Variants in KCNT2 observed in about 807,000 individuals in gnomAD.
KCNT2 encodes the protein potassium channel subfamily T member 2.
A neutral mutation model predicts 153.8 loss-of-function variants in KCNT2; 67 were observed. The ratio of observed to expected loss-of-function variants is 0.44; its 90% CI spans 0.36 to 0.53. The LOEUF is 0.53. Ranked by LOEUF, KCNT2 falls within the 20% of genes least tolerant of loss-of-function variation. The probability of loss-of-function intolerance (pLI) is 0.00; values close to 1 mark genes in which losing one functional copy is unlikely to be tolerated. For synonymous variants in KCNT2, 500 were observed against 458.8 expected (o/e 1.09, Z -1.15); for missense variants, 975 against 1,354.8 (o/e 0.72, Z 4.40).
chr1:196,374,477 A>G (rs183896391), intron 13 of KCNT2, among the ~76,000 whole-genome samples: 6 of 151,914 alleles, frequency 3.9e-5, no homozygotes, highest in African/African-American at 1.2e-4. Flanking sequence ...CTATGGATAT[A>G]TGTCAGGATT....
intron 1 of KCNT2, among the ~76,000 whole-genome samples, chr1:196,604,000 C>T (rs1665035406): frequency 6.6e-6 from 1 of 152,146 alleles, no homozygotes; most frequent in Non-Finnish European, 1.5e-5. Context: ...AAACAGAAAA[C>T]AGGCTTGGAG....
chr1:196,280,764 T>G, intron 25 of KCNT2, 96 bp downstream of exon 25: 1 of 1,208,618 alleles, frequency 8.3e-7, no homozygotes. Flanking sequence ...CTTTTTCACT[T>G]TCTCTTGCAT....
chr1:196,257,568 T>A, intron 26 of KCNT2: 1 of 924,120 alleles, frequency 1.1e-6, no homozygotes, highest in Non-Finnish European at 1.3e-6. Context: ...AAATGATATA[T>A]TTTAAATGTA....
intron 21 of KCNT2, among the ~76,000 whole-genome samples, chr1:196,311,075 G>A (rs142919115): frequency 2.6e-5 from 4 of 151,838 alleles, no homozygotes; most frequent in African/African-American, 9.6e-5. Flanking sequence ...AAGATTATCA[G>A]TTCCTCAGGA....
chr1:196,322,001 A>G (rs1663367383), intron 19 of KCNT2, among the ~76,000 whole-genome samples: 1 of 151,934 alleles, frequency 6.6e-6, no homozygotes, highest in Non-Finnish European at 1.5e-5. Flanking sequence ...TTACATTGGG[A>G]AGCATTATTA....
At chr1:196,386,095 G>T (rs1173530990) in intron 13 of KCNT2, among the ~76,000 whole-genome samples, 1 of 152,064 alleles carries the variant, frequency 6.6e-6, no homozygotes, top group Admixed American at 6.6e-5. Context: ...CAGAGGAAAG[G>T]TCCACATGTA....
chr1:196,561,915 C>A (rs953292680), intron 1 of KCNT2, among the ~76,000 whole-genome samples: 1 of 151,818 alleles, frequency 6.6e-6, no homozygotes, highest in Admixed American at 6.6e-5. Context: ...GATTTGGCAA[C>A]TGGTTGAAAG....
chr1:196,500,475 G>T (rs1213243698), intron 1 of KCNT2, among the ~76,000 whole-genome samples: 4 of 152,136 alleles, frequency 2.6e-5, no homozygotes, highest in Non-Finnish European at 5.9e-5. Flanking sequence ...GGTAGTAGGA[G>T]AATTCTAGAA....
At chr1:196,414,180 A>G (rs552845737) in intron 12 of KCNT2, among the ~76,000 whole-genome samples, 53 of 151,740 alleles carry the variant, frequency 3.5e-4, no homozygotes, top group Non-Finnish European at 6.6e-4. Context: ...TCAATTATAC[A>G]GATTTTAAAA....
intron 19 of KCNT2, among the ~76,000 whole-genome samples, chr1:196,324,031 C>T (rs1199757008): frequency 6.6e-6 from 1 of 151,254 alleles, no homozygotes; most frequent in Non-Finnish European, 1.5e-5. Context: ...GTTTTAGTTT[C>T]CTCATTCTTA....
chr1:196,553,944 A>G (rs1036282996), intron 1 of KCNT2, among the ~76,000 whole-genome samples: 2 of 151,288 alleles, frequency 1.3e-5, no homozygotes, highest in African/African-American at 4.8e-5. Context: ...TAATGGAAGA[A>G]CAACATACCA....
intron 19 of KCNT2, among the ~76,000 whole-genome samples, chr1:196,323,733 G>A (rs865841089): frequency 2.2e-4 from 33 of 151,492 alleles, no homozygotes; most frequent in Admixed American, 5.3e-4. Context: ...TTGCCGTTTC[G>A]ACTAATTTTT....
intron 26 of KCNT2, among the ~76,000 whole-genome samples, chr1:196,255,257 A>G (rs1656371208): frequency 6.6e-6 from 1 of 151,834 alleles, no homozygotes; most frequent in South Asian, 2.1e-4. Flanking sequence ...TTTGACAATT[A>G]TAACTAACAC....
intron 14 of KCNT2, among the ~76,000 whole-genome samples, chr1:196,369,588 TTC>T (rs1668342128): frequency 6.6e-6 from 1 of 151,992 alleles, no homozygotes; most frequent in Non-Finnish European, 1.5e-5. Context: ...TGGTTTTTTG[TTC>T]CTGCGATAGT....
At chr1:196,526,157 T>A (rs552710749) in intron 1 of KCNT2, among the ~76,000 whole-genome samples, 1 of 151,896 alleles carries the variant, frequency 6.6e-6, no homozygotes, top group South Asian at 2.1e-4. Context: ...ATCATCCAAA[T>A]AAAACTACAA....
intron 25 of KCNT2, among the ~76,000 whole-genome samples, chr1:196,280,106 T>C (rs1658955943): frequency 6.6e-6 from 1 of 152,200 alleles, no homozygotes; most frequent in African/African-American, 2.4e-5. Flanking sequence ...TTACATTAAA[T>C]AATTTTATAG....
intron 13 of KCNT2, among the ~76,000 whole-genome samples, chr1:196,386,389 T>C (rs560900493): frequency 1.3e-5 from 2 of 152,236 alleles, no homozygotes; most frequent in East Asian, 3.9e-4. Flanking sequence ...ACTAATATAC[T>C]AGCTTACGAA....
At chr1:196,580,472 T>C (rs1171604442) in intron 1 of KCNT2, among the ~76,000 whole-genome samples, 1 of 152,152 alleles carries the variant, frequency 6.6e-6, no homozygotes, top group Non-Finnish European at 1.5e-5. Flanking sequence ...AAAGGCTTTA[T>C]AGTTCTACCA....
At chr1:196,241,659 A>T (rs1571763888) in intron 26 of KCNT2, among the ~76,000 whole-genome samples, 2 of 152,196 alleles carry the variant, frequency 1.3e-5, no homozygotes, top group South Asian at 4.1e-4. Context: ...TATTCAGTGT[A>T]TTCAACATCA....
Sources: allele counts gnomAD v4.1 joint callset (sites outside exome capture counted in the v4.1 genomes callset), GRCh38; gene constraint gnomAD v4.1.1; transcripts MANE v1.5; gene names NCBI Gene and HGNC (gene_info 2026-07-23, HGNC 2026-07-21).